The following HDAC5 variants were observed in gnomAD, a reference collection of about 807,000 sequenced individuals.
The protein encoded by HDAC5 is histone deacetylase 5.
A neutral mutation model predicts 133.3 loss-of-function variants in HDAC5; 25 were observed. The ratio of observed to expected loss-of-function variants is 0.19; its 90% confidence interval spans 0.14 to 0.26. HDAC5 has a LOEUF of 0.26. HDAC5 is among the 10% of genes least tolerant of loss of function. HDAC5 has a pLI of 1.00. For synonymous variants in HDAC5, 589 were observed against 610.8 expected, an observed-to-expected ratio of 0.96 and a Z score of 0.53; for missense variants, 1,041 against 1,460.5, an observed-to-expected ratio of 0.71 and a Z score of 4.68.
At chr17:44,089,878 C>CAGAGATCCT (rs2050854191) in intron 11 of HDAC5, among the ~76,000 whole-genome samples, 1 of 138,206 alleles carries the variant, frequency 7.2e-6, no homozygotes, top group Non-Finnish European at 1.5e-5. Context: ...GTGCAGTGAG[C>CAGAGATCCT]AGAGATCCTG....
At position 44,080,757 on chromosome 17, in the gene HDAC5, C is replaced by A. The variant is rs2050352331; in HGVS notation, c.2727+6G>T. On this transcript the variant is annotated splice_donor_region_variant and intron_variant, in intron 21 of 26. Transcript: ENST00000682912. ...GAGGGTCTGCATTTACGCCCAGGAGCTGTACCTCTTCAGGAGCCCCAGAGC... is the reference window on the plus strand; with the variant it reads ...GAGGGTCTGCATTTACGCCCAGGAGATGTACCTCTTCAGGAGCCCCAGAGC... 3 of 1,614,204 alleles carry A rather than the reference C, an allele frequency of 1.9e-6. No individual in the cohort carries two copies. In the Admixed American group the frequency reaches 5.0e-5, roughly 27 times the overall value.
rs559818076 is a variant in HDAC5 at position 44,076,826 on chromosome 17, C to T, written c.*1550G>A. On this transcript the variant is annotated 3_prime_UTR_variant, in exon 27 of 27. Transcript: ENST00000682912. ...GGTTACAAAATACTTAACTGAAATCCATATCCAGGGAGACAAAGCAAGGAG... is the reference window on the plus strand; with the variant it reads ...GGTTACAAAATACTTAACTGAAATCTATATCCAGGGAGACAAAGCAAGGAG... 4.3e-5 allele frequency: 7 copies of T among 160,992 alleles called. No individual in the cohort carries two copies. The highest frequency in any genetic ancestry group is 1.2e-4 in the African/African-American group (5 of 41,588). The allele number at this position is 160,992 out of a possible 1,614,324, so 10.0% of individuals were successfully genotyped here.
intron 24 of HDAC5, 48 bp from the exon 25 acceptor site, chr17:44,078,927 A>C: frequency 6.3e-7 from 1 of 1,591,312 alleles, no homozygotes; most frequent in Non-Finnish European, 8.6e-7. Flanking sequence ...TAGGGTTGCC[A>C]TGCATACCCC....
At chr17:44,096,973 C>T (rs1369910959) in intron 3 of HDAC5, among the ~76,000 whole-genome samples, 18 of 152,228 alleles carry the variant, frequency 1.2e-4, no homozygotes, top group African/African-American at 3.9e-4. Flanking sequence ...CCACCCGCCT[C>T]GGCCTCCCAA....
At chr17:44,079,054 G>A in intron 24 of HDAC5, 90 bp downstream of exon 24, 1 of 1,550,574 alleles carries the variant, frequency 6.4e-7, no homozygotes. Context: ...CCAAGGAAAA[G>A]CTTCCTAAGG....
At chr17:44,094,471 A>T (rs1413567666) in intron 3 of HDAC5, among the ~76,000 whole-genome samples, 5 of 151,990 alleles carry the variant, frequency 3.3e-5, no homozygotes, top group Non-Finnish European at 5.9e-5. Flanking sequence ...TCCTGTCTCT[A>T]CTAAAAACAA....
At chr17:44,092,069 C>T (rs2050978489) in intron 9 of HDAC5, 103 bp downstream of exon 9, 1 of 1,094,508 alleles carries the variant, frequency 9.1e-7, no homozygotes, top group East Asian at 2.5e-5. Flanking sequence ...AGAGAGGTCT[C>T]TGCTGGGCAC....
intron 3 of HDAC5, among the ~76,000 whole-genome samples, chr17:44,094,836 C>T (rs2051170698): frequency 6.6e-6 from 1 of 151,930 alleles, no homozygotes; most frequent in South Asian, 2.1e-4. Flanking sequence ...CAAGGTCTTG[C>T]TCTGTCGCCC....
intron 3 of HDAC5, 24 bp downstream of exon 3, chr17:44,110,705 A>G (rs2052279539): frequency 1.3e-6 from 2 of 1,597,292 alleles, no homozygotes; most frequent in Non-Finnish European, 1.7e-6. Context: ...GACAGAGGGC[A>G]GGCAGGGACA....
chr17:44,084,898 A>G, intron 15 of HDAC5, 124 bp downstream of exon 15: 1 of 1,351,572 alleles, frequency 7.4e-7, no homozygotes, highest in Non-Finnish European at 1.0e-6. Context: ...GGGTGGTGGG[A>G]GAACTGGCCC....
chr17:44,079,131 T>A lies in HDAC5; in HGVS notation c.3078+13A>T. The A allele has an allele frequency of 6.2e-7, 1 of 1,606,686 alleles. No individual in the cohort carries two copies. Among genetic ancestry groups the A allele is most frequent in the Non-Finnish European group, 8.5e-7 (1 of 1,174,636 alleles). The stretch of plus-strand genomic sequence containing the variant: ...TCTGGCCTGCCACCTCCCAGCTCCT[T>A]CCCACCCCTTACCTCTACACTGAGC... On this transcript the variant is annotated intron_variant, in intron 24 of 26. Coordinates refer to ENST00000682912, the MANE Select transcript of HDAC5 (RefSeq NM_005474.5).
chr17:44,118,380 C>G (rs2052780343), intron 1 of HDAC5, among the ~76,000 whole-genome samples: 1 of 152,194 alleles, frequency 6.6e-6, no homozygotes. Context: ...AGGTTGTGCT[C>G]TGTGTAAGGA....
intron 3 of HDAC5, among the ~76,000 whole-genome samples, chr17:44,101,410 C>CAAA (rs35671008): frequency 0.074 from 4,898 of 65,862 alleles, 429 homozygotes; most frequent in Non-Finnish European, 0.086. Flanking sequence ...GACTCCGTCT[C>CAAA]AAAAAAAAAA....
At chr17:44,119,096 T>C (rs79343067) in intron 1 of HDAC5, among the ~76,000 whole-genome samples, 3,260 of 151,800 alleles carry the variant, frequency 0.021, 40 homozygotes, top group Non-Finnish European at 0.032. Flanking sequence ...GGGGGCAGAG[T>C]TGAAGGGGCT....
chr17:44,110,418 C>T (rs2052262920), intron 3 of HDAC5, among the ~76,000 whole-genome samples: 1 of 152,220 alleles, frequency 6.6e-6, no homozygotes, highest in Non-Finnish European at 1.5e-5. Context: ...CCTCTGACCA[C>T]AGTGCCAACT....
chr17:44,121,688 AC>A (rs1321055091), intron 1 of HDAC5, among the ~76,000 whole-genome samples: 1 of 151,486 alleles, frequency 6.6e-6, no homozygotes, highest in Non-Finnish European at 1.5e-5. Context: ...TTAAGATGCC[AC>A]CCCTACGGAA....
Position 44,086,478 on chromosome 17 carries a change from G to C in HDAC5, c.2050+94C>G, listed in dbSNP as rs556510391. On this transcript the variant is annotated intron_variant, in intron 14 of 26. Coordinates refer to ENST00000682912, the MANE Select transcript of HDAC5 (RefSeq NM_005474.5). ...CCCCTCCTTTCAGGGTGCCTAAGGG[G>C]CCCCAGCAGCCTCTTCCCCCTGCCA... 1.7e-5 allele frequency: 19 copies of C among 1,116,132 alleles called. No individual in the cohort carries two copies. In the Admixed American group the frequency reaches 7.2e-4, roughly 42 times the overall value. 69.1% of individuals were successfully genotyped at this position (1,116,132 alleles called of 1,614,324 possible).
At chr17:44,089,503 G>C (rs2050826297) in intron 11 of HDAC5, among the ~76,000 whole-genome samples, 1 of 152,180 alleles carries the variant, frequency 6.6e-6, no homozygotes, top group Non-Finnish European at 1.5e-5. Flanking sequence ...CCAACACTTT[G>C]GGAGGCCAAG....
At chr17:44,091,889 A>G in intron 9 of HDAC5, 58 bp from the exon 10 acceptor site, 1 of 1,503,456 alleles carries the variant, frequency 6.7e-7, no homozygotes, top group East Asian at 2.3e-5. Flanking sequence ...GCAACAAGGG[A>G]GGGCAACCTG....
Sources: allele counts gnomAD v4.1 joint callset (sites outside exome capture counted in the v4.1 genomes callset), GRCh38; gene constraint gnomAD v4.1.1; transcripts MANE v1.5; gene names NCBI Gene and HGNC (gene_info 2026-07-23, HGNC 2026-07-21).